SLC16A5: variants seen among roughly 807,000 people sequenced by gnomAD.
The protein encoded by SLC16A5 is monocarboxylate transporter 6.
SLC16A5 carries 29 observed loss-of-function variants against 33.2 expected under a neutral mutation model. The ratio of observed to expected loss-of-function variants is 0.87; its 90% confidence interval spans 0.65 to 1.19. SLC16A5 has a LOEUF of 1.19. SLC16A5 is among the 50% of genes most tolerant of loss of function. The probability of loss-of-function intolerance (pLI) is 0.00; values close to 1 mark genes in which losing one functional copy is unlikely to be tolerated. For synonymous variants in SLC16A5, 248 were observed against 284.1 expected, an observed-to-expected ratio of 0.87 and a Z score of 1.28; for missense variants, 606 against 678.2, an observed-to-expected ratio of 0.89 and a Z score of 1.18.
chr17:75,092,335 CTTTT>C (rs1475374770), intron 2 of SLC16A5, among the ~76,000 whole-genome samples: 1 of 148,694 alleles, frequency 6.7e-6, no homozygotes, highest in Non-Finnish European at 1.5e-5. Flanking sequence ...TGTCTCTGGA[CTTTT>C]TTGAGTGTCT....
rs142646577 is a variant in SLC16A5 at position 75,100,574 on chromosome 17, G to T, written c.911G>T (p.Arg304Leu). ...GGACGGCCGGCCTTTGCTAGCCACCGCAAGTACCTGTTCAGCCTGGCACTC... is the reference window on the plus strand; with the variant it reads ...GGACGGCCGGCCTTTGCTAGCCACCTCAAGTACCTGTTCAGCCTGGCACTC... ...MAGRPAFASHRKYLFSLALLL... is the reference protein window; with the variant it reads ...MAGRPAFASHLKYLFSLALLL... The change falls in exon 5 of 7, where the codon CGC becomes CTC. Residue 304 changes from arginine (R) to leucine (L), a missense_variant. Coordinates refer to ENST00000329783, the MANE Select transcript of SLC16A5 (RefSeq NM_004695.4). The T allele has an allele frequency of 1.9e-6, 3 of 1,614,074 alleles. No individual in the cohort carries two copies. Among genetic ancestry groups the T allele is most frequent in the African/African-American group, 2.7e-5 (2 of 74,922 alleles).
chr17:75,095,171 G>A (rs2073700070), intron 3 of SLC16A5, among the ~76,000 whole-genome samples: 1 of 152,208 alleles, frequency 6.6e-6, no homozygotes, highest in South Asian at 2.1e-4. Flanking sequence ...TGGGAGGGAG[G>A]TGAGGCTCGG....
chr17:75,104,540 C>A, intron 6 of SLC16A5: 1 of 900,972 alleles, frequency 1.1e-6, no homozygotes, highest in South Asian at 3.1e-5. Flanking sequence ...CTGCCTCTGC[C>A]CCCCAAGTTC....
In SLC16A5 at chr17:75,089,226, T is replaced by G. The variant is rs1228968818; in HGVS notation, c.-127T>G. On this transcript the variant is annotated 5_prime_UTR_variant, in exon 2 of 7. Transcript: ENST00000329783. ...TGGCCCCATCACCTCTCTGCCCTGC[T>G]TGAGTCTGGAATGGACCTCCCTGCC... 6.6e-6 allele frequency: 1 copy of G among 152,526 alleles called. No individual in the cohort carries two copies. The highest frequency in any genetic ancestry group is 1.5e-5 in the Non-Finnish European group (1 of 68,312). 9.4% of individuals were successfully genotyped at this position (152,526 alleles called of 1,614,324 possible). A position where few individuals can be genotyped will look rare whatever the true frequency, so the allele number is the denominator to read the frequency against.
chr17:75,097,022 C>T (rs1476237877), intron 3 of SLC16A5, among the ~76,000 whole-genome samples: 19 of 146,244 alleles, frequency 1.3e-4, no homozygotes, highest in East Asian at 2.1e-4. Context: ...GATGGGGTTT[C>T]ACCATGTTGG....
At chr17:75,093,980 G>A (rs1333842155) in intron 3 of SLC16A5, 145 bp downstream of exon 3, 2 of 1,277,470 alleles carry the variant, frequency 1.6e-6, no homozygotes, top group Non-Finnish European at 2.1e-6. Context: ...ATTTCACCAG[G>A]GGCCCCTGGC....
At chr17:75,102,908 T>C (rs984153970) in intron 5 of SLC16A5, among the ~76,000 whole-genome samples, 1 of 151,942 alleles carries the variant, frequency 6.6e-6, no homozygotes, top group Non-Finnish European at 1.5e-5. Context: ...ATTTTTTTTT[T>C]TGAGACAGAG....
At chr17:75,110,053 C>G, downstream of SLC16A5, 1 of 509,380 alleles carries the variant, frequency 2.0e-6, no homozygotes, top group Non-Finnish European at 3.5e-6. Flanking sequence ...TCTCCCGCGC[C>G]CCAATTTCGA....
intron 6 of SLC16A5, 128 bp from the exon 7 acceptor site, chr17:75,105,752 T>A: frequency 7.1e-7 from 1 of 1,414,774 alleles, no homozygotes; most frequent in Non-Finnish European, 9.3e-7. Flanking sequence ...CTGGAGTACG[T>A]TTCCCCTCAC....
At chr17:75,109,102 T>C (rs2073885477), downstream of SLC16A5, among the ~76,000 whole-genome samples, 1 of 152,172 alleles carries the variant, frequency 6.6e-6, no homozygotes, top group South Asian at 2.1e-4. This position sits in a 1 kb window ranked among gnomAD's most constrained non-coding sequence, Gnocchi z 5.0. Flanking sequence ...TGGTGCTTTG[T>C]TTCCTGTAAC....
downstream of SLC16A5, among the ~76,000 whole-genome samples, chr17:75,107,303 C>CA (rs879587193): frequency 1.9e-3 from 265 of 141,274 alleles, 1 homozygote; most frequent in East Asian, 7.9e-3. Flanking sequence ...CCCCCCTTCC[C>CA]AAAAAAAAAA....
At chr17:75,098,692 TTTTGTTTG>T (rs56053066) in intron 4 of SLC16A5, among the ~76,000 whole-genome samples, 1 of 151,292 alleles carries the variant, frequency 6.6e-6, no homozygotes, top group Admixed American at 6.6e-5. Context: ...GACAGGCTTT[TTTTGTTTG>T]TTTGTTTGTT....
At chr17:75,093,555 C>G in intron 2 of SLC16A5, 34 bp from the exon 3 acceptor site, 1 of 1,548,096 alleles carries the variant, frequency 6.5e-7, no homozygotes, top group Non-Finnish European at 8.7e-7. Context: ...GGACAGCCTG[C>G]TGACCACCAG....
chr17:75,093,121 C>T (rs937958071), intron 2 of SLC16A5, among the ~76,000 whole-genome samples: 1 of 152,046 alleles, frequency 6.6e-6, no homozygotes, highest in African/African-American at 2.4e-5. Flanking sequence ...TGAGGCATTG[C>T]GAAAGTCTGT....
chr17:75,095,326 C>T (rs899753102), intron 3 of SLC16A5, among the ~76,000 whole-genome samples: 12 of 152,182 alleles, frequency 7.9e-5, no homozygotes, highest in African/African-American at 2.9e-4. Context: ...GAACCGGGCA[C>T]CCGGCGGGGA....
Position 75,100,201 on chromosome 17 carries a change from C to T in SLC16A5, c.538C>T (p.Leu180Phe), listed in dbSNP as rs781713554. ...GTFLVFGGIFLHCCICGAIIR... is the reference protein window; with the variant it reads ...GTFLVFGGIFFHCCICGAIIR... ...CTTCCTTGTCTTCGGCGGGATCTTT[C>T]TCCACTGCTGCATCTGCGGGGCCAT... The change falls in exon 5 of 7, where the codon CTC (leucine) becomes TTC (phenylalanine). Residue 180 changes from leucine to phenylalanine, a missense_variant. Physicochemically the swap from Leu to Phe is conservative, Grantham distance 22 (BLOSUM62 0). Transcript: ENST00000329783. 6 of 1,614,252 alleles carry T rather than the reference C, an allele frequency of 3.7e-6. No homozygotes were observed. The South Asian group carries it at 6.6e-5, about 18-fold the overall frequency.
At chr17:75,097,951 C>A in intron 3 of SLC16A5, 87 bp from the exon 4 acceptor site, 1 of 1,464,100 alleles carries the variant, frequency 6.8e-7, no homozygotes, top group Non-Finnish European at 9.1e-7. Flanking sequence ...TGGCTAGTTC[C>A]AGCTGGAACT....
chr17:75,093,456 G>T (rs1403868938), intron 2 of SLC16A5, 133 bp from the exon 3 acceptor site: 1 of 1,535,986 alleles, frequency 6.5e-7, no homozygotes, highest in African/African-American at 1.4e-5. Flanking sequence ...CCTCCCAGGG[G>T]TGGTGCCCCT....
intron 2 of SLC16A5, among the ~76,000 whole-genome samples, chr17:75,090,604 G>C (rs2073625262): frequency 1.3e-5 from 2 of 151,866 alleles, no homozygotes; most frequent in Admixed American, 6.6e-5. Context: ...GCGACTACAG[G>C]CGAGCCCCAC....
Sources: allele counts gnomAD v4.1 joint callset (sites outside exome capture counted in the v4.1 genomes callset), GRCh38; gene constraint gnomAD v4.1.1; non-coding constraint Gnocchi (gnomAD v3.1); transcripts MANE v1.5; gene names NCBI Gene and HGNC (gene_info 2026-07-23, HGNC 2026-07-21).